SNX27: variants seen among roughly 807,000 people sequenced by gnomAD.
The protein encoded by SNX27 is sorting nexin-27.
SNX27 carries 22 observed loss-of-function variants against 71.6 expected under a neutral mutation model. That is an observed-to-expected ratio of 0.31 (90% CI 0.22 to 0.44). SNX27 has a LOEUF of 0.44. Ranked by LOEUF, SNX27 falls within the 20% of genes least tolerant of loss-of-function variation. The pLI is 1.00. For synonymous variants in SNX27, 269 were observed against 277.2 expected, an observed-to-expected ratio of 0.97 and a Z score of 0.29; for missense variants, 531 against 698.6, an observed-to-expected ratio of 0.76 and a Z score of 2.70.
chr1:151,648,958 T>G (rs1669198314), intron 2 of SNX27, among the ~76,000 whole-genome samples: 1 of 152,034 alleles, frequency 6.6e-6, no homozygotes, highest in Non-Finnish European at 1.5e-5. Context: ...TTTCTTTTTC[T>G]TTTTATTTAT....
intron 8 of SNX27, among the ~76,000 whole-genome samples, chr1:151,686,225 A>G (rs1400535604): frequency 1.3e-5 from 2 of 152,278 alleles, no homozygotes; most frequent in Non-Finnish European, 2.9e-5. Flanking sequence ...TTCCAAACAC[A>G]CTATCTTTCC....
At chr1:151,665,708 G>T (rs1487467475) in intron 5 of SNX27, among the ~76,000 whole-genome samples, 1 of 152,146 alleles carries the variant, frequency 6.6e-6, no homozygotes, top group Non-Finnish European at 1.5e-5. Context: ...TAGCTGTTGG[G>T]GCAGATACAG....
At chr1:151,644,045 C>A (rs1429262569) in intron 2 of SNX27, among the ~76,000 whole-genome samples, 1 of 151,590 alleles carries the variant, frequency 6.6e-6, no homozygotes, top group Non-Finnish European at 1.5e-5. Flanking sequence ...AGTGAGACTT[C>A]GTCTCAAAAA....
At chr1:151,692,217 T>C (rs1302605069) in intron 8 of SNX27, among the ~76,000 whole-genome samples, 1 of 151,946 alleles carries the variant, frequency 6.6e-6, no homozygotes, top group Non-Finnish European at 1.5e-5. Context: ...GAGCAAGACC[T>C]GGTCTCAAAA....
At chr1:151,652,402 C>T (rs962036118) in intron 2 of SNX27, among the ~76,000 whole-genome samples, 1 of 146,542 alleles carries the variant, frequency 6.8e-6, no homozygotes, top group Non-Finnish European at 1.5e-5. Context: ...TGATACCACG[C>T]CTTTTTTTTT....
chr1:151,666,164 A>G (rs1355332865), intron 6 of SNX27, 153 bp downstream of exon 6: 2 of 456,354 alleles, frequency 4.4e-6, no homozygotes, highest in African/African-American at 4.0e-5. Flanking sequence ...CTCAGGTCAT[A>G]AGCATGTCTG....
chr1:151,617,468 G>A (rs552684464), intron 1 of SNX27, among the ~76,000 whole-genome samples: 4 of 152,022 alleles, frequency 2.6e-5, no homozygotes, highest in Non-Finnish European at 5.9e-5. Flanking sequence ...TAGTAGAGAC[G>A]GGGTTTCTCC....
intron 4 of SNX27, among the ~76,000 whole-genome samples, chr1:151,661,912 C>T (rs922210034): frequency 5.3e-5 from 8 of 152,198 alleles, no homozygotes; most frequent in African/African-American, 1.7e-4. Context: ...GACTGTTTCA[C>T]GCAAGTTTCC....
At chr1:151,652,592 T>G (rs1003255647) in intron 2 of SNX27, among the ~76,000 whole-genome samples, 1 of 151,830 alleles carries the variant, frequency 6.6e-6, no homozygotes, top group African/African-American at 2.4e-5. Context: ...TATTTTTTTT[T>G]AGTAGAGACA....
intron 4 of SNX27, 45 bp downstream of exon 4, chr1:151,660,907 TGTG>T (rs771626737): frequency 1.4e-6 from 2 of 1,418,316 alleles, no homozygotes; most frequent in East Asian, 2.3e-5. Flanking sequence ...TTTGGCTCCT[TGTG>T]GGGGAAAATA....
intron 2 of SNX27, among the ~76,000 whole-genome samples, chr1:151,650,048 C>T (rs746241619): frequency 9.9e-5 from 15 of 152,104 alleles, no homozygotes; most frequent in African/African-American, 2.4e-4. Context: ...TCACCACACC[C>T]GGCTAATTTT....
rs1285866692 is a variant in SNX27, at chr1:151,612,562, C to T, written c.311+50C>T. The T allele has an allele frequency of 2.9e-5, 36 of 1,251,942 alleles. No individual in the cohort carries two copies. Among genetic ancestry groups the T allele is most frequent in the South Asian group, 2.9e-4 (14 of 49,028 alleles). The allele number at this position is 1,251,942 out of a possible 1,614,324, so 77.6% of individuals were successfully genotyped here. ...CCCATCCTCCCCGCGCCCCTCCTGC[C>T]CCTGCACTCCTCGCTACCCTTGTCA... On this transcript the variant is annotated intron_variant, in intron 1 of 11. Transcript: ENST00000458013. This position sits in a 1 kb window ranked among gnomAD's most constrained non-coding sequence, Gnocchi z 5.2.
intron 7 of SNX27, among the ~76,000 whole-genome samples, chr1:151,671,249 T>C (rs1449932465): frequency 6.6e-6 from 1 of 151,812 alleles, no homozygotes; most frequent in Non-Finnish European, 1.5e-5. Flanking sequence ...TTTTTTTTTT[T>C]TTTCCAGAGA....
intron 8 of SNX27, among the ~76,000 whole-genome samples, chr1:151,687,274 C>T (rs1297643980): frequency 6.6e-6 from 1 of 152,190 alleles, no homozygotes; most frequent in Non-Finnish European, 1.5e-5. Flanking sequence ...ATTGATTTCA[C>T]ACAAGGCAGC....
At chr1:151,672,164 G>C in intron 7 of SNX27, among the ~76,000 whole-genome samples, 1 of 151,886 alleles carries the variant, frequency 6.6e-6, no homozygotes, top group African/African-American at 2.4e-5. Flanking sequence ...ATTATGTTGA[G>C]GTTCCTTCTA....
At chr1:151,693,710 G>T (rs1671570692) in intron 11 of SNX27, 2 of 1,606,820 alleles carry the variant, frequency 1.2e-6, no homozygotes, top group Admixed American at 3.4e-5. Flanking sequence ...TGTCTAGAGG[G>T]TGGACATTGG....
chr1:151,697,347 A>C lies in SNX27; in HGVS notation c.*2930A>C, dbSNP rs1202426740. The C allele has an allele frequency of 1.3e-5, 2 of 152,254 alleles. No individual in the cohort carries two copies. Among genetic ancestry groups the C allele is most frequent in the Non-Finnish European group, 2.9e-5 (2 of 68,062 alleles). 9.4% of individuals were successfully genotyped at this position (152,254 alleles called of 1,614,324 possible). On this transcript the variant is annotated 3_prime_UTR_variant, in exon 12 of 12. Coordinates refer to ENST00000458013, the MANE Select transcript of SNX27 (RefSeq NM_001330723.2). ...TGCGACAGCTTGAATGCTGACCTTCAGACATGAGACATAGGGATTTGGAGG... is the reference window on the plus strand; with the variant it reads ...TGCGACAGCTTGAATGCTGACCTTCCGACATGAGACATAGGGATTTGGAGG...
intron 7 of SNX27, among the ~76,000 whole-genome samples, chr1:151,682,474 A>C (rs1671009783): frequency 6.6e-6 from 1 of 152,066 alleles, no homozygotes; most frequent in Non-Finnish European, 1.5e-5. Context: ...GTTGCCTGCC[A>C]CCATGCCCAG....
rs143640560 is a variant in SNX27, at chr1:151,690,002, C to T, written c.1240-2433C>T. 3.2e-3 allele frequency among the ~76,000 whole-genome samples: 489 copies of T among 152,216 alleles called. 1 individual carries two copies. The highest frequency in any genetic ancestry group is 0.011 in the African/African-American group (466 of 41,518). On this transcript the variant is annotated intron_variant, in intron 8 of 11. Coordinates refer to ENST00000458013, the MANE Select transcript of SNX27 (RefSeq NM_001330723.2). Reference sequence around the variant, plus strand: ...TAGCTGGGATTACAGGTGCATGCCACTATGCCTGGCTAATTTTTGTATTTT... The same window carrying T: ...TAGCTGGGATTACAGGTGCATGCCATTATGCCTGGCTAATTTTTGTATTTT...
Sources: allele counts gnomAD v4.1 joint callset (sites outside exome capture counted in the v4.1 genomes callset), GRCh38; gene constraint gnomAD v4.1.1; non-coding constraint Gnocchi (gnomAD v3.1); transcripts MANE v1.5; gene names NCBI Gene and HGNC (gene_info 2026-07-23, HGNC 2026-07-21).